Variants in ANKS1B observed in about 807,000 individuals in gnomAD.
The protein encoded by ANKS1B is ankyrin repeat and sterile alpha motif domain containing 1B.
A neutral mutation model predicts 148.3 loss-of-function variants in ANKS1B; 36 were observed. That is an observed-to-expected ratio of 0.24 (90% CI 0.19 to 0.32). The LOEUF (loss-of-function observed/expected upper bound fraction) is 0.32, where lower values mean the gene tolerates loss of function less well. ANKS1B is among the 10% of genes least tolerant of loss of function. The pLI, the probability that ANKS1B is intolerant of heterozygous loss-of-function variation, is 1.00. For missense variants in ANKS1B, 1,157 were observed against 1,542.6 expected, an observed-to-expected ratio of 0.75 and a Z score of 4.19; for synonymous variants, 542 against 560.8, an observed-to-expected ratio of 0.97 and a Z score of 0.47.
At chr12:99,198,981 A>C (rs1370319820) in intron 14 of ANKS1B, among the ~76,000 whole-genome samples, 2 of 152,162 alleles carry the variant, frequency 1.3e-5, no homozygotes, top group Non-Finnish European at 2.9e-5. Flanking sequence ...TGTTGTGAGG[A>C]CACTCGAGCG....
chr12:99,690,216 A>G (rs903106069), intron 8 of ANKS1B, among the ~76,000 whole-genome samples: 22 of 152,120 alleles, frequency 1.4e-4, no homozygotes, highest in African/African-American at 4.8e-4. Flanking sequence ...CCTGGTCCCA[A>G]TCTTCACTCA....
chr12:98,933,065 A>T (rs1033774914), intron 17 of ANKS1B, among the ~76,000 whole-genome samples: 1 of 152,080 alleles, frequency 6.6e-6, no homozygotes, highest in African/African-American at 2.4e-5. Flanking sequence ...GGCACAGTAG[A>T]CCTCTAGAGC....
At chr12:99,165,761 C>T (rs1025046934) in intron 14 of ANKS1B, among the ~76,000 whole-genome samples, 5 of 151,978 alleles carry the variant, frequency 3.3e-5, no homozygotes, top group Middle Eastern at 3.4e-3. Context: ...AGAGAGAATA[C>T]TTGCCAACTT....
intron 14 of ANKS1B, among the ~76,000 whole-genome samples, chr12:99,211,817 C>A (rs2083382018): frequency 6.6e-6 from 1 of 152,106 alleles, no homozygotes; most frequent in Admixed American, 6.6e-5. Context: ...ACCTGGAGCT[C>A]CTTTGCCTTG....
chr12:99,376,125 A>G lies in ANKS1B; in HGVS notation c.1756+23506T>C, dbSNP rs375395977. Among the ~76,000 whole-genome samples the G allele has an allele frequency of 7.0e-4, 107 of 152,358 alleles. 2 individuals are homozygous for G. The South Asian group carries it at 0.021, about 30-fold the overall frequency. ...AACTTCTGAACTTTAGTGTTTGCTTAATGGAAAGTTCTTTCTTTTCTTTAC... is the reference window on the plus strand; with the variant it reads ...AACTTCTGAACTTTAGTGTTTGCTTGATGGAAAGTTCTTTCTTTTCTTTAC... On this transcript the variant is annotated intron_variant, in intron 12 of 26. Transcript: ENST00000683438.
chr12:99,464,409 T>C (rs1402420827), intron 10 of ANKS1B, among the ~76,000 whole-genome samples: 2 of 152,238 alleles, frequency 1.3e-5, no homozygotes, highest in African/African-American at 4.8e-5. Flanking sequence ...AGGAATGCAG[T>C]TCCTCACCAG....
At chr12:99,022,936 T>C (rs2099946663) in intron 17 of ANKS1B, among the ~76,000 whole-genome samples, 1 of 152,164 alleles carries the variant, frequency 6.6e-6, no homozygotes, top group Admixed American at 6.5e-5. Context: ...TGTAAATCTG[T>C]ATTGAATTTT....
At chr12:99,530,205 T>A (rs1245152005) in intron 9 of ANKS1B, among the ~76,000 whole-genome samples, 1 of 152,150 alleles carries the variant, frequency 6.6e-6, no homozygotes, top group Non-Finnish European at 1.5e-5. Flanking sequence ...GCAAAAGAGT[T>A]TAAAACATCA....
At chr12:99,234,946 A>G (rs1263728829) in intron 14 of ANKS1B, among the ~76,000 whole-genome samples, 2 of 152,284 alleles carry the variant, frequency 1.3e-5, no homozygotes, top group African/African-American at 4.8e-5. Flanking sequence ...GGAATGGTAC[A>G]TGCCATGGTC....
At chr12:99,158,982 T>A (rs2076363575) in intron 14 of ANKS1B, among the ~76,000 whole-genome samples, 1 of 152,100 alleles carries the variant, frequency 6.6e-6, no homozygotes, top group Non-Finnish European at 1.5e-5. Flanking sequence ...CCAGACCCCA[T>A]TCATAGAATA....
intron 12 of ANKS1B, among the ~76,000 whole-genome samples, chr12:99,357,687 T>A (rs1272512939): frequency 6.6e-6 from 1 of 152,140 alleles, no homozygotes; most frequent in Non-Finnish European, 1.5e-5. Context: ...CAGTGTCTTG[T>A]CCATGGTACA....
At chr12:99,857,406 A>G (rs911305048) in intron 1 of ANKS1B, among the ~76,000 whole-genome samples, 1 of 152,214 alleles carries the variant, frequency 6.6e-6, no homozygotes, top group Non-Finnish European at 1.5e-5. Context: ...AACAAATGGA[A>G]ACATATCCCA....
At chr12:99,614,084 C>G (rs1270491844) in intron 9 of ANKS1B, among the ~76,000 whole-genome samples, 2 of 151,734 alleles carry the variant, frequency 1.3e-5, no homozygotes, top group Non-Finnish European at 2.9e-5. Flanking sequence ...TATTTTTCTT[C>G]ACAACGTCTC....
rs142815912 is a variant in ANKS1B at position 99,305,709 on chromosome 12, G to C, written c.1757-58845C>G. ...TCTCTCTATACATAGCAATGGTCAAGAAAGCTTGAATAACCACAGAAAGGA... is the reference window on the plus strand; with the variant it reads ...TCTCTCTATACATAGCAATGGTCAACAAAGCTTGAATAACCACAGAAAGGA... On this transcript the variant is annotated intron_variant, in intron 12 of 26. Transcript: ENST00000683438. 1.1e-3 allele frequency among the ~76,000 whole-genome samples: 170 copies of C among 152,226 alleles called. 2 individuals are homozygous for C. The East Asian group carries it at 0.029, about 26-fold the overall frequency.
chr12:98,740,350 C>T (rs1209098369), downstream of ANKS1B, among the ~76,000 whole-genome samples: 1 of 152,070 alleles, frequency 6.6e-6, no homozygotes, highest in Non-Finnish European at 1.5e-5. Flanking sequence ...TGCCAGTCTC[C>T]TCCTTTAGCA....
At chr12:99,455,103 C>T (rs779430847) in intron 10 of ANKS1B, among the ~76,000 whole-genome samples, 21 of 152,054 alleles carry the variant, frequency 1.4e-4, no homozygotes, top group Non-Finnish European at 2.2e-4. Flanking sequence ...GTCTTAACAA[C>T]CTATTCTTTT....
At chr12:99,173,124 G>A (rs1303935084) in intron 14 of ANKS1B, among the ~76,000 whole-genome samples, 1 of 152,112 alleles carries the variant, frequency 6.6e-6, no homozygotes, top group Non-Finnish European at 1.5e-5. Context: ...TTAAGATTAA[G>A]TATGAACACA....
At chr12:99,529,243 A>G (rs555429325) in intron 9 of ANKS1B, among the ~76,000 whole-genome samples, 23 of 152,332 alleles carry the variant, frequency 1.5e-4, no homozygotes, top group African/African-American at 5.5e-4. Flanking sequence ...AAGTCAAAAG[A>G]AGTGGAATGT....
intron 12 of ANKS1B, among the ~76,000 whole-genome samples, chr12:99,374,603 G>T (rs980928250): frequency 6.6e-6 from 1 of 152,166 alleles, no homozygotes; most frequent in Non-Finnish European, 1.5e-5. Flanking sequence ...TGTTTAATAT[G>T]GGAAGTGTTT....
Sources: gnomAD v4.1 joint callset for allele counts (sites outside exome capture counted in the v4.1 genomes callset) on GRCh38, gnomAD v4.1.1 for gene constraint, MANE v1.5 for transcripts, NCBI Gene and HGNC (gene_info 2026-07-23, HGNC 2026-07-21) for gene names.